The following PCDHA4 variants were observed in gnomAD, a reference collection of about 807,000 sequenced individuals.
PCDHA4 encodes the protein protocadherin alpha-4.
A neutral mutation model predicts 61.4 loss-of-function variants in PCDHA4; 49 were observed. The ratio of observed to expected loss-of-function variants is 0.80; its 90% CI spans 0.63 to 1.01. PCDHA4 has a LOEUF of 1.01. Ranked by LOEUF, PCDHA4 falls within the 50% of genes least tolerant of loss-of-function variation. The probability of loss-of-function intolerance (pLI) is 0.00; values close to 1 mark genes in which losing one functional copy is unlikely to be tolerated. For missense variants in PCDHA4, 1,254 were observed against 1,235.8 expected, an observed-to-expected ratio of 1.01 and a Z score of -0.22; for synonymous variants, 590 against 550.3, an observed-to-expected ratio of 1.07 and a Z score of -1.01.
chr5:140,819,029 A>G (rs1307031526), intron 1 of PCDHA4, among the ~76,000 whole-genome samples: 1 of 152,214 alleles, frequency 6.6e-6, no homozygotes, highest in Non-Finnish European at 1.5e-5. Flanking sequence ...ATTTTAGCAC[A>G]TTCCCTTATA....
At chr5:140,843,396 C>T (rs2150359152) in intron 1 of PCDHA4, 1 of 1,596,034 alleles carries the variant, frequency 6.3e-7, no homozygotes, top group Non-Finnish European at 8.6e-7. Flanking sequence ...CCGGAAGCGG[C>T]GCTGGTGGAT....
chr5:140,823,928 C>A (rs2150130436), intron 1 of PCDHA4: 1 of 1,613,972 alleles, frequency 6.2e-7, no homozygotes. Flanking sequence ...CTGCTGTACA[C>A]CGCGCTGCGG....
At chr5:140,828,367 C>G (rs2150154569) in intron 1 of PCDHA4, 12 of 1,614,132 alleles carry the variant, frequency 7.4e-6, no homozygotes, top group East Asian at 2.2e-5. Context: ...GGATCGACCG[C>G]GAGGAGCTGT....
chr5:140,977,720 A>C (rs1156806702), intron 1 of PCDHA4, among the ~76,000 whole-genome samples: 1 of 152,202 alleles, frequency 6.6e-6, no homozygotes, highest in African/African-American at 2.4e-5. Flanking sequence ...GATGGTGATC[A>C]TTTCTCTCCT....
chr5:140,997,133 C>A (rs1554255761), intron 3 of PCDHA4, among the ~76,000 whole-genome samples: 3 of 152,090 alleles, frequency 2.0e-5, no homozygotes, highest in Non-Finnish European at 4.4e-5. Flanking sequence ...ACAATGCCCC[C>A]ACACCCCCGC....
chr5:140,929,875 G>A lies in PCDHA4; in HGVS notation c.2386-49074G>A, dbSNP rs1326750420. 4 of 153,064 alleles carry A rather than the reference G, an allele frequency of 2.6e-5. No individual in the cohort carries two copies. The East Asian group carries it at 7.7e-4, about 29-fold the overall frequency. 9.5% of individuals were successfully genotyped at this position (153,064 alleles called of 1,614,324 possible). A position where few individuals can be genotyped will look rare whatever the true frequency, so the allele number is the denominator to read the frequency against. On this transcript the variant is annotated intron_variant, in intron 1 of 3. Transcript: ENST00000530339. ...GAGTCAGAGAAGGCTTTGTGATAGAGATCACAGATTTAGTTGGATCTTTAA... is the reference window on the plus strand; with the variant it reads ...GAGTCAGAGAAGGCTTTGTGATAGAAATCACAGATTTAGTTGGATCTTTAA...
At chr5:140,848,598 G>A (rs2150413954) in intron 1 of PCDHA4, 3 of 1,593,830 alleles carry the variant, frequency 1.9e-6, no homozygotes, top group East Asian at 2.2e-5. Flanking sequence ...CCACTACTCC[G>A]TCCCGGAGGA....
At chr5:140,828,580 C>T (rs2150157078) in intron 1 of PCDHA4, 2 of 1,614,212 alleles carry the variant, frequency 1.2e-6, no homozygotes, top group African/African-American at 1.3e-5. Flanking sequence ...CAGATGTTGG[C>T]TCAAATTCCA....
chr5:140,969,613 T>C (rs2096347317), intron 1 of PCDHA4: 2 of 727,588 alleles, frequency 2.7e-6, no homozygotes, highest in African/African-American at 1.8e-5. Flanking sequence ...AAACACAGAT[T>C]TGTAGAGAAA....
At chr5:140,815,532 T>TACACTA (rs1562243834) in intron 1 of PCDHA4, 1 of 151,194 alleles carries the variant, frequency 6.6e-6, no homozygotes, top group African/African-American at 2.4e-5. Context: ...ATATTGTGTA[T>TACACTA]ACATTATTTT....
chr5:140,959,347 C>T (rs561977478), intron 1 of PCDHA4, among the ~76,000 whole-genome samples: 4 of 151,938 alleles, frequency 2.6e-5, no homozygotes, highest in Admixed American at 6.6e-5. Context: ...TGCACTCCAG[C>T]GGGACAACTG....
intron 1 of PCDHA4, among the ~76,000 whole-genome samples, chr5:140,937,273 G>A (rs1165421382): frequency 1.3e-5 from 2 of 151,966 alleles, no homozygotes; most frequent in African/African-American, 2.4e-5. Context: ...TCCTGACCTC[G>A]TGATTCACCC....
Position 140,876,879 on chromosome 5 carries a change from G to C in PCDHA4, c.2385+67307G>C, listed in dbSNP as rs782299548. On this transcript the variant is annotated intron_variant, in intron 1 of 3. Coordinates refer to ENST00000530339, the MANE Select transcript of PCDHA4 (RefSeq NM_018907.4). Reference sequence around the variant, plus strand: ...CAGTGTTCGTGAAGGAGAACAACCCGCCGGGCTGCCACATCTTCACGGTGT... The same window carrying C: ...CAGTGTTCGTGAAGGAGAACAACCCCCCGGGCTGCCACATCTTCACGGTGT... The C allele has an allele frequency of 1.6e-5, 26 of 1,614,032 alleles. 1 individual carries two copies. The highest frequency in any genetic ancestry group is 2.2e-5 in the Non-Finnish European group (26 of 1,180,008).
intron 2 of PCDHA4, 118 bp downstream of exon 2, chr5:140,979,125 C>A (rs782380399): frequency 8.7e-5 from 128 of 1,479,726 alleles, no homozygotes; most frequent in Non-Finnish European, 1.0e-4. Flanking sequence ...GGTACTTTGC[C>A]AGGAAAATGC....
At chr5:140,961,458 G>A (rs1371131275) in intron 1 of PCDHA4, among the ~76,000 whole-genome samples, 2 of 152,150 alleles carry the variant, frequency 1.3e-5, no homozygotes, top group Non-Finnish European at 2.9e-5. Context: ...TCTTGCAGCT[G>A]CCTTTCTTTT....
At chr5:140,875,508 G>A (rs1007736035) in intron 1 of PCDHA4, 19 of 1,613,588 alleles carry the variant, frequency 1.2e-5, no homozygotes, top group Non-Finnish European at 1.6e-5. Flanking sequence ...CGGGATCCCA[G>A]CGTCTGCTGC....
intron 1 of PCDHA4, among the ~76,000 whole-genome samples, chr5:140,819,420 C>T (rs1394796669): frequency 6.6e-6 from 1 of 152,078 alleles, no homozygotes; most frequent in Non-Finnish European, 1.5e-5. Context: ...CTTTAATATA[C>T]TACACAGTTT....
intron 1 of PCDHA4, among the ~76,000 whole-genome samples, chr5:140,890,160 C>T (rs1554184178): frequency 1.3e-5 from 2 of 152,246 alleles, no homozygotes; most frequent in East Asian, 3.9e-4. Context: ...AGTATTTCTG[C>T]CACAGAAATA....
intron 3 of PCDHA4, among the ~76,000 whole-genome samples, chr5:140,993,715 G>A (rs954129865): frequency 2.0e-5 from 3 of 152,060 alleles, no homozygotes; most frequent in Non-Finnish European, 4.4e-5. Flanking sequence ...TATTTTTACT[G>A]TACCTTTTCT....
Sources: allele counts gnomAD v4.1 joint callset (sites outside exome capture counted in the v4.1 genomes callset), GRCh38; gene constraint gnomAD v4.1.1; transcripts MANE v1.5; gene names NCBI Gene and HGNC (gene_info 2026-07-23, HGNC 2026-07-21).